GMPS: variants seen among roughly 807,000 people sequenced by gnomAD.
GMPS encodes the protein GMP synthase [glutamine-hydrolyzing].
GMPS carries 15 observed loss-of-function variants against 77.9 expected under a neutral mutation model. The ratio of observed to expected loss-of-function variants is 0.19; its 90% confidence interval spans 0.13 to 0.30. The LOEUF is 0.30. Among genes scored for constraint, GMPS ranks in the 10% least tolerant of loss-of-function variants. The pLI is 1.00. For synonymous variants in GMPS, 224 were observed against 275.9 expected (o/e 0.81, Z 1.86); for missense variants, 590 against 838.8 (o/e 0.70, Z 3.66).
chr3:155,910,239 T>A (rs1184246101), intron 5 of GMPS, among the ~76,000 whole-genome samples: 1 of 151,696 alleles, frequency 6.6e-6, no homozygotes, highest in Non-Finnish European at 1.5e-5. Flanking sequence ...AGAGCGAGAC[T>A]CCGTCTCAAA....
intron 2 of GMPS, among the ~76,000 whole-genome samples, chr3:155,896,015 GTT>G (rs1392180751): frequency 1.4e-5 from 2 of 141,710 alleles, no homozygotes; most frequent in Admixed American, 7.1e-5. Context: ...TTTTGTTTTT[GTT>G]TTTTTTTTTT....
Position 155,940,740 on chromosome 3 carries a change from G to GTTTTTTTTTTTTTTT in GMPS, c.*3052_*3066dup, listed in dbSNP as rs77440100. ...AGACAGAATGGAGAAGCTGGATAGT[G>GTTTTTTTTTTTTTTT]TTTTTTTTTTTTTTTTTTAAGGTTC... On this transcript the variant is annotated 3_prime_UTR_variant, in exon 16 of 16. Coordinates refer to ENST00000496455, the MANE Select transcript of GMPS (RefSeq NM_003875.3). 5.8e-6 allele frequency: 1 copy of GTTTTTTTTTTTTTTT among 171,724 alleles called. No homozygotes were observed. The allele number at this position is 171,724 out of a possible 1,614,324, so 10.6% of individuals were successfully genotyped here. A position where few individuals can be genotyped will look rare whatever the true frequency, so the allele number is the denominator to read the frequency against.
At chr3:155,931,654 ATTTTTCAATGCATCTTTTCTTTTT>A (rs1755622086) in intron 12 of GMPS, 87 bp from the exon 13 acceptor site, 3 of 546,814 alleles carry the variant, frequency 5.5e-6, no homozygotes, top group Non-Finnish European at 9.6e-6. Flanking sequence ...TGCATAAGAT[ATTTTTCAATGCATCTTTTCTTTTT>A]TTTTTAAAAA....
chr3:155,876,657 T>C (rs1754056201), intron 1 of GMPS, among the ~76,000 whole-genome samples: 1 of 152,240 alleles, frequency 6.6e-6, no homozygotes, highest in Non-Finnish European at 1.5e-5. Flanking sequence ...CTGGACCATA[T>C]GGTCACTCCA....
chr3:155,897,922 C>T lies in GMPS; in HGVS notation c.210-5C>T. The T allele has an allele frequency of 2.2e-6, 3 of 1,365,328 alleles. No individual in the cohort carries two copies. The highest frequency in any genetic ancestry group is 3.1e-6 in the Non-Finnish European group (3 of 953,244). 84.6% of individuals were successfully genotyped at this position (1,365,328 alleles called of 1,614,324 possible). On this transcript the variant is annotated splice_region_variant and splice_polypyrimidine_tract_variant and intron_variant, in intron 2 of 15. Coordinates refer to ENST00000496455, the MANE Select transcript of GMPS (RefSeq NM_003875.3). ...ATTCTTCACTGATTGTTCCTTAAAT[C>T]ACAGTGCTATTATCATCTCTGGAGG...
At position 155,934,928 on chromosome 3, in the gene GMPS, A is replaced by G. The variant is rs751392523; in HGVS notation, c.1689A>G (p.Ile563Met). Residue 563 changes from isoleucine (I) to methionine (M), a missense_variant, in exon 14 of 16, where the codon ATA becomes ATG. Physicochemically the swap from Ile to Met is conservative, Grantham distance 10. Around this residue, in one of 6 missense-constraint regions of GMPS, gnomAD observed 73 missense variants for 170.5 expected, o/e 0.43. Transcript: ENST00000496455. ...TCTTTGTTTCCAGAGTTGTTTATAT[A>G]TTTGGCCCACCAGTTAAAGAACCTC... ...MCHNVNRVVY[I>M]FGPPVKEPPT... The G allele has an allele frequency of 8.9e-6, 14 of 1,575,760 alleles. No individual in the cohort carries two copies. Among genetic ancestry groups the G allele is most frequent in the Admixed American group, 6.7e-5 (4 of 59,866 alleles).
Position 155,870,811 on chromosome 3 carries a change from C to G in GMPS, c.-60C>G. On this transcript the variant is annotated 5_prime_UTR_variant, in exon 1 of 16. Transcript: ENST00000496455. ...CAGCCCGCGGCGCCGACCCTTCCGG[C>G]ACCCTCCCGCCCCGTCTCGTACTGT... 1 of 1,203,168 alleles carries G rather than the reference C, an allele frequency of 8.3e-7. No homozygotes were observed. 74.5% of individuals were successfully genotyped at this position (1,203,168 alleles called of 1,614,324 possible). A position where few individuals can be genotyped will look rare whatever the true frequency, so the allele number is the denominator to read the frequency against.
chr3:155,902,695 C>T (rs1196721403), intron 3 of GMPS, among the ~76,000 whole-genome samples: 1 of 152,170 alleles, frequency 6.6e-6, no homozygotes, highest in Non-Finnish European at 1.5e-5. Flanking sequence ...AGAATTTAAT[C>T]ATAGACTAAC....
intron 1 of GMPS, among the ~76,000 whole-genome samples, chr3:155,878,335 C>T (rs537865371): frequency 4.9e-4 from 74 of 152,166 alleles, no homozygotes; most frequent in Non-Finnish European, 5.7e-4. Context: ...TGTATAAGTA[C>T]TTTATTCCTT....
At chr3:155,898,162 G>T in intron 3 of GMPS, 121 bp downstream of exon 3, 1 of 694,368 alleles carries the variant, frequency 1.4e-6, no homozygotes, top group Non-Finnish European at 2.6e-6. Flanking sequence ...GATAACTTGT[G>T]CATGTTACAA....
Position 155,914,490 on chromosome 3 carries a change from C to A in GMPS, c.958C>A (p.Arg320=), listed in dbSNP as rs771766942. The A allele has an allele frequency of 3.1e-6, 5 of 1,603,604 alleles. No homozygotes were observed. In the South Asian group the frequency reaches 4.5e-5, roughly 14 times the overall value. The change falls in exon 8 of 16, where the codon CGG becomes AGG. Residue 320 remains arginine, a synonymous_variant. Transcript: ENST00000496455. ...LPISDEDRTP[R]KRISKTLNMT... ...AATATCAGATGAAGATAGAACCCCA[C>A]GGAAAAGAATTAGCAAAACGTTAAA... is the stretch of plus-strand genomic sequence containing the variant.
intron 13 of GMPS, among the ~76,000 whole-genome samples, chr3:155,932,531 T>C (rs561253082): frequency 6.6e-6 from 1 of 152,246 alleles, no homozygotes; most frequent in South Asian, 2.1e-4. Context: ...ATTTATAATC[T>C]ATTTCTAATC....
At chr3:155,881,227 C>G (rs192003270) in intron 1 of GMPS, among the ~76,000 whole-genome samples, 1 of 124,382 alleles carries the variant, frequency 8.0e-6, no homozygotes, top group Non-Finnish European at 1.6e-5. Context: ...GGGCGGAATG[C>G]AATGGCATGA....
At chr3:155,887,699 A>G (rs1288413853) in intron 1 of GMPS, among the ~76,000 whole-genome samples, 3 of 152,324 alleles carry the variant, frequency 2.0e-5, no homozygotes, top group Admixed American at 6.5e-5. Context: ...GGATGTGATA[A>G]TGATATTGTA....
rs1444853320 is a variant in GMPS, at chr3:155,943,361, A to G, written c.*5669A>G. ...ATTGAGTATATTAAGTACAACTACA[A>G]AATCCTCTGAGTTCTCCAGGAAGCC... is the stretch of plus-strand genomic sequence containing the variant. On this transcript the variant is annotated 3_prime_UTR_variant, in exon 16 of 16. Coordinates refer to ENST00000496455, the MANE Select transcript of GMPS (RefSeq NM_003875.3). The G allele has an allele frequency of 1.7e-5, 3 of 181,444 alleles. No individual in the cohort carries two copies. The highest frequency in any genetic ancestry group is 2.4e-5 in the Non-Finnish European group (2 of 84,926). The allele number at this position is 181,444 out of a possible 1,614,324, so 11.2% of individuals were successfully genotyped here. A position where few individuals can be genotyped will look rare whatever the true frequency, so the allele number is the denominator to read the frequency against.
chr3:155,942,691 G>A lies in GMPS; in HGVS notation c.*4999G>A, dbSNP rs1264859850. 1 of 228,668 alleles carries A rather than the reference G, an allele frequency of 4.4e-6. No individual in the cohort carries two copies. Among genetic ancestry groups the A allele is most frequent in the Admixed American group, 5.7e-5 (1 of 17,660 alleles). 14.2% of individuals were successfully genotyped at this position (228,668 alleles called of 1,614,324 possible). ...GATCTGGGCAACAACTGTGTAGGCTGTTCTTTCAACCTCTTTCTTCTTACT... is the reference window on the plus strand; with the variant it reads ...GATCTGGGCAACAACTGTGTAGGCTATTCTTTCAACCTCTTTCTTCTTACT... On this transcript the variant is annotated 3_prime_UTR_variant, in exon 16 of 16. Transcript: ENST00000496455.
At chr3:155,937,485 A>G (rs1422800046) in intron 15 of GMPS, 106 bp from the exon 16 acceptor site, 2 of 642,814 alleles carry the variant, frequency 3.1e-6, no homozygotes, top group African/African-American at 3.7e-5. Context: ...CATGGAGGAC[A>G]ATAGTGAAAA....
chr3:155,936,373 T>C lies in GMPS; in HGVS notation c.1843T>C (p.Leu615=), dbSNP rs373587833. The C allele has an allele frequency of 3.1e-6, 5 of 1,610,776 alleles. No individual in the cohort carries two copies. In the African/African-American group the frequency reaches 6.7e-5, roughly 22 times the overall value. ...AGKISQMPVI[L]TPLHFDRDPL... ...GAAAATCAGCCAGATGCCGGTGATT[T>C]TGACACCATTACATTTTGATCGGGA... is the stretch of plus-strand genomic sequence containing the variant. The change falls in exon 15 of 16, where the codon TTG becomes CTG. Residue 615 remains leucine (L), a synonymous_variant. Transcript: ENST00000496455.
rs1284784606 is a variant in GMPS at position 155,940,171 on chromosome 3, C to G, written c.*2479C>G. On this transcript the variant is annotated 3_prime_UTR_variant, in exon 16 of 16. Coordinates refer to ENST00000496455, the MANE Select transcript of GMPS (RefSeq NM_003875.3). The stretch of plus-strand genomic sequence containing the variant: ...CTCTTTGATTAAATATATTCTTTTT[C>G]TTTGTACTTTTTAGGTAGACAGAGA... The G allele has an allele frequency of 5.0e-6, 1 of 199,814 alleles. No individual in the cohort carries two copies. 12.4% of individuals were successfully genotyped at this position (199,814 alleles called of 1,614,324 possible).
Sources: gnomAD v4.1 joint callset for allele counts (sites outside exome capture counted in the v4.1 genomes callset) on GRCh38, gnomAD v4.1.1 for gene constraint, gnomAD v4.1.1 regional missense constraint, MANE v1.5 for transcripts, NCBI Gene and HGNC (gene_info 2026-07-23, HGNC 2026-07-21) for gene names.